Variants in SYNJ1 observed in about 807,000 individuals in gnomAD.
SYNJ1 encodes the protein synaptojanin 1, also known as polyphosphatidylinositol phosphatase SYNJ1.
SYNJ1 carries 78 observed loss-of-function variants against 168.2 expected under a neutral mutation model. The ratio of observed to expected loss-of-function variants is 0.46; its 90% CI spans 0.39 to 0.56. The LOEUF is 0.56. SYNJ1 is among the 20% of genes least tolerant of loss of function. SYNJ1 has a pLI of 0.00. For synonymous variants in SYNJ1, 539 were observed against 548.6 expected (o/e 0.98, Z 0.24); for missense variants, 1,303 against 1,597.6 (o/e 0.82, Z 3.14).
Position 32,726,771 on chromosome 21 carries a change from C to G in SYNJ1, c.124+1G>C. 1 of 1,614,052 alleles carries G rather than the reference C, an allele frequency of 6.2e-7. No individual in the cohort carries two copies. Among genetic ancestry groups the G allele is most frequent in the East Asian group, 2.2e-5 (1 of 44,862 alleles). ...AAATTGGGCTCTAACAGATGACTTACAGAGCACAGCGACAGCCCCAGACTC... is the reference window on the plus strand; with the variant it reads ...AAATTGGGCTCTAACAGATGACTTAGAGAGCACAGCGACAGCCCCAGACTC... On this transcript the variant is annotated splice_donor_variant, in intron 2 of 32. Coordinates refer to ENST00000674351, the MANE Select transcript of SYNJ1 (RefSeq NM_203446.3). LOFTEE classifies it high-confidence loss of function.
chr21:32,722,208 ATATATAT>A (rs1569139128), intron 2 of SYNJ1, among the ~76,000 whole-genome samples: 49 of 55,350 alleles, frequency 8.9e-4, no homozygotes, highest in African/African-American at 4.2e-3. Flanking sequence ...AAAAAAAAAT[ATATATAT>A]ATATATATAT....
At chr21:32,695,332 A>C (rs542500122) in intron 4 of SYNJ1, 50 bp from the exon 5 acceptor site, 1 of 1,515,746 alleles carries the variant, frequency 6.6e-7, no homozygotes, top group Non-Finnish European at 9.0e-7. Flanking sequence ...TAAGTAACAA[A>C]GTATGACTTT....
intron 2 of SYNJ1, among the ~76,000 whole-genome samples, chr21:32,715,249 G>C (rs911421518): frequency 6.6e-6 from 1 of 152,148 alleles, no homozygotes; most frequent in Non-Finnish European, 1.5e-5. Flanking sequence ...GAGGCAGGTG[G>C]ATCACTTGAT....
At chr21:32,699,719 T>G in intron 4 of SYNJ1, 119 bp downstream of exon 4, 2 of 1,230,712 alleles carry the variant, frequency 1.6e-6, no homozygotes, top group South Asian at 3.1e-5. Context: ...AAAAGGGGCA[T>G]CGAGGGTCTT....
chr21:32,650,728 G>A (rs2040243646), intron 22 of SYNJ1, among the ~76,000 whole-genome samples: 2 of 152,172 alleles, frequency 1.3e-5, no homozygotes, highest in South Asian at 4.1e-4. Flanking sequence ...AACTACAAAA[G>A]AGACAGCAGA....
At chr21:32,666,645 A>G in intron 15 of SYNJ1, 72 bp from the exon 16 acceptor site, 1 of 1,471,840 alleles carries the variant, frequency 6.8e-7, no homozygotes, top group African/African-American at 1.4e-5. Flanking sequence ...ACAATTGTCA[A>G]TTATACCTTT....
At chr21:32,634,933 C>T (rs368112798) in intron 31 of SYNJ1, 49 bp from the exon 32 acceptor site, 65 of 1,601,346 alleles carry the variant, frequency 4.1e-5, no homozygotes, top group South Asian at 3.4e-4. Flanking sequence ...GAGGACAATC[C>T]GAGATCAACC....
chr21:32,658,999 T>C (rs945526869), intron 18 of SYNJ1, among the ~76,000 whole-genome samples: 2 of 152,024 alleles, frequency 1.3e-5, no homozygotes, highest in Non-Finnish European at 2.9e-5. Context: ...TTATTCTCAA[T>C]GAGGTGCTGA....
chr21:32,666,187 G>A (rs1159021633), intron 16 of SYNJ1, 52 bp from the exon 17 acceptor site: 4 of 1,548,934 alleles, frequency 2.6e-6, no homozygotes, highest in Non-Finnish European at 3.5e-6. Context: ...AGAGTTCCAT[G>A]TGCATAGGAA....
chr21:32,715,279 C>G (rs1324463100), intron 2 of SYNJ1, among the ~76,000 whole-genome samples: 3 of 152,090 alleles, frequency 2.0e-5, no homozygotes, highest in Admixed American at 1.3e-4. Context: ...TCGAGACCAG[C>G]CTGGCCAGTA....
rs538412260 is a variant in SYNJ1, at chr21:32,654,170, CACAA to C, written c.2796-808_2796-805del. 43 of 152,230 alleles carry C rather than the reference CACAA, an allele frequency of 2.8e-4. No homozygotes were observed. In the East Asian group the frequency reaches 8.3e-3, roughly 29 times the overall value. The allele number at this position is 152,230 out of a possible 1,614,324, so 9.4% of individuals were successfully genotyped here. ...CCACAATGAGAGGAAAACATGTACA[CACAA>C]ACACACACACACACACAGAGTATCA... On this transcript the variant is annotated intron_variant, in intron 21 of 32. Transcript: ENST00000674351.
chr21:32,714,226 A>AC (rs1379088678), intron 2 of SYNJ1, among the ~76,000 whole-genome samples: 1 of 152,234 alleles, frequency 6.6e-6, no homozygotes, highest in African/African-American at 2.4e-5. Context: ...GAACATAGAA[A>AC]CCAAGAGGTA....
rs1050566897 is a variant in SYNJ1, at chr21:32,641,891, C to T, written c.3588+5G>A. 5 of 1,607,154 alleles carry T rather than the reference C, an allele frequency of 3.1e-6. No individual in the cohort carries two copies. The highest frequency in any genetic ancestry group is 1.3e-5 in the African/African-American group (1 of 74,348). On this transcript the variant is annotated splice_donor_5th_base_variant and intron_variant, in intron 29 of 32. Transcript: ENST00000674351. Reference sequence around the variant, plus strand: ...CCCCTTGGCCCCAGGCGAGGTTTTACCTACCGGTCTGGCTGTACTGTATCC... The same window carrying T: ...CCCCTTGGCCCCAGGCGAGGTTTTATCTACCGGTCTGGCTGTACTGTATCC...
chr21:32,662,326 T>C lies in SYNJ1; in HGVS notation c.2304+2587A>G, dbSNP rs201830993. On this transcript the variant is annotated intron_variant, in intron 18 of 32. Transcript: ENST00000674351. ...TCCCTGCATAGAAGACTGCTCTCAGTGTATACATCAGGTTACTGAGGTAGG... is the reference window on the plus strand; with the variant it reads ...TCCCTGCATAGAAGACTGCTCTCAGCGTATACATCAGGTTACTGAGGTAGG... Among the ~76,000 whole-genome samples the C allele has an allele frequency of 3.9e-5, 6 of 152,352 alleles. No individual in the cohort carries two copies. The East Asian group carries it at 1.2e-3, about 29-fold the overall frequency.
At chr21:32,676,230 G>A (rs1385359606) in intron 13 of SYNJ1, 102 bp downstream of exon 13, 1 of 898,358 alleles carries the variant, frequency 1.1e-6, no homozygotes, top group Non-Finnish European at 1.6e-6. Flanking sequence ...ATGGCAAAAT[G>A]AGAAAGTTTC....
intron 2 of SYNJ1, among the ~76,000 whole-genome samples, chr21:32,715,546 G>A (rs755217372): frequency 4.6e-5 from 7 of 151,968 alleles, no homozygotes; most frequent in Non-Finnish European, 7.4e-5. Context: ...GATATTAAAT[G>A]ATTTTGTTTA....
intron 31 of SYNJ1, among the ~76,000 whole-genome samples, chr21:32,635,287 T>C (rs777754221): frequency 6.6e-6 from 1 of 152,116 alleles, no homozygotes; most frequent in Non-Finnish European, 1.5e-5. Context: ...AGGAGGTAAT[T>C]AGAGTTAGAT....
At chr21:32,646,104 G>GA (rs762040809) in intron 24 of SYNJ1, 1 of 678,048 alleles carries the variant, frequency 1.5e-6, no homozygotes. Flanking sequence ...CCAGTAGAGA[G>GA]AAGAAAAAGC....
intron 2 of SYNJ1, among the ~76,000 whole-genome samples, chr21:32,720,087 A>G (rs1355573330): frequency 2.0e-5 from 3 of 152,018 alleles, no homozygotes; most frequent in Admixed American, 2.0e-4. Context: ...TAAAAATACA[A>G]AATTAGCTGG....
Sources: gnomAD v4.1 joint callset for allele counts (sites outside exome capture counted in the v4.1 genomes callset) on GRCh38, gnomAD v4.1.1 for gene constraint, MANE v1.5 for transcripts, NCBI Gene and HGNC (gene_info 2026-07-23, HGNC 2026-07-21) for gene names.